The following DHRS4 variants were observed in gnomAD, a reference collection of about 807,000 sequenced individuals.
DHRS4 encodes dehydrogenase/reductase SDR family member 4.
Under a neutral mutation model 28.4 loss-of-function variants are expected in DHRS4, and 20 were observed. The ratio of observed to expected loss-of-function variants is 0.71; its 90% CI spans 0.50 to 1.02. DHRS4 has a LOEUF of 1.02. Among genes scored for constraint, DHRS4 ranks in the 50% least tolerant of loss-of-function variants. DHRS4 has a pLI of 0.00. For missense variants in DHRS4, 378 were observed against 367.2 expected (o/e 1.03, Z -0.24); for synonymous variants, 144 against 146.4 (o/e 0.98, Z 0.12).
At chr14:23,954,007 G>C (rs2032966782) in intron 1 of DHRS4, 91 bp downstream of exon 1, 3 of 1,509,752 alleles carry the variant, frequency 2.0e-6, no homozygotes, top group Non-Finnish European at 2.7e-6. Context: ...CCTGTCCTCA[G>C]ACCTTACACG....
rs1204050487 is a variant in DHRS4, at chr14:23,956,598, CCTT to C, written c.306+1387_306+1389del. 2.4e-5 allele frequency among the ~76,000 whole-genome samples: 3 copies of C among 127,036 alleles called. 1 individual carries two copies. The highest frequency in any genetic ancestry group is 1.4e-4 in the African/African-American group (3 of 22,212). The allele number at this position is 127,036 out of a possible 152,430, so 83.3% of individuals were successfully genotyped here. ...AGATAGAGGCCATGGGCCTCCATAT[CCTT>C]TTTTTTTTTTTTTTTTTTTTGAGAC... On this transcript the variant is annotated intron_variant, in intron 2 of 7. Coordinates refer to ENST00000313250, the MANE Select transcript of DHRS4 (RefSeq NM_021004.4).
At chr14:23,957,105 G>A (rs2033207737) in intron 2 of DHRS4, among the ~76,000 whole-genome samples, 1 of 152,140 alleles carries the variant, frequency 6.6e-6, no homozygotes, top group Non-Finnish European at 1.5e-5. Flanking sequence ...GGAAGCTGTT[G>A]CTGTCCTCCA....
At chr14:23,958,614 G>A (rs1201950575) in intron 2 of DHRS4, among the ~76,000 whole-genome samples, 1 of 152,226 alleles carries the variant, frequency 6.6e-6, no homozygotes, top group Non-Finnish European at 1.5e-5. Context: ...GGTCAAAAGA[G>A]AGAGACAGAG....
intron 1 of DHRS4, among the ~76,000 whole-genome samples, chr14:23,954,784 T>C (rs1179463600): frequency 1.3e-5 from 2 of 152,194 alleles, no homozygotes; most frequent in Admixed American, 6.5e-5. Flanking sequence ...CTGTCACCCA[T>C]GGTGGGAACT....
chr14:23,961,571 G>T (rs1003899501), intron 3 of DHRS4, among the ~76,000 whole-genome samples: 5 of 125,256 alleles, frequency 4.0e-5, no homozygotes, highest in Middle Eastern at 3.6e-3. Context: ...GAGGCTAGAG[G>T]GCTGTGGTGT....
chr14:23,955,561 C>T (rs1383028764), intron 2 of DHRS4, among the ~76,000 whole-genome samples: 1 of 152,060 alleles, frequency 6.6e-6, no homozygotes, highest in Non-Finnish European at 1.5e-5. Context: ...GAGTCAAGTC[C>T]CTGGGAACCT....
At position 23,965,815 on chromosome 14, in the gene DHRS4, A is replaced by G; in HGVS notation, c.462A>G (p.Pro154=). The change falls in exon 4 of 8, where the codon CCA becomes CCG. Residue 154 remains proline, a synonymous_variant. Transcript: ENST00000313250. ...APALMTKAVV[P]EMEKRGGGSV... is the part of the protein sequence containing the mutation. ...CCCTGATGACAAAGGCAGTGGTGCC[A>G]GAAATGGAGAAACGAGGGTACAGAG... 6.2e-7 allele frequency: 1 copy of G among 1,606,946 alleles called. No homozygotes were observed. The highest frequency in any genetic ancestry group is 1.7e-4 in the Middle Eastern group (1 of 6,018).
At chr14:23,967,063 G>A (rs2033652739) in intron 6 of DHRS4, 148 bp from the exon 7 acceptor site, 15 of 819,630 alleles carry the variant, frequency 1.8e-5, no homozygotes, top group Non-Finnish European at 2.8e-5. Flanking sequence ...GCTGAGGCAG[G>A]AGAATGGCAT....
At chr14:23,954,122 T>C (rs2032976865) in intron 1 of DHRS4, 2 of 733,848 alleles carry the variant, frequency 2.7e-6, no homozygotes, top group African/African-American at 3.6e-5. Context: ...CTGTCCCTGC[T>C]ACCTCTGGCA....
chr14:23,954,957 G>T (rs1341604004), intron 1 of DHRS4, 78 bp from the exon 2 acceptor site: 3 of 1,587,902 alleles, frequency 1.9e-6, no homozygotes, highest in Middle Eastern at 1.7e-4. Context: ...AACCCGGGCA[G>T]TCTTAACTTC....
Position 23,955,019 on chromosome 14 carries a change from C to G in DHRS4, c.129-16C>G, listed in dbSNP as rs761008821. 14 of 1,614,106 alleles carry G rather than the reference C, an allele frequency of 8.7e-6. No individual in the cohort carries two copies. The highest frequency in any genetic ancestry group is 1.2e-5 in the Non-Finnish European group (14 of 1,179,970). On this transcript the variant is annotated splice_polypyrimidine_tract_variant and intron_variant, in intron 1 of 7. Coordinates refer to ENST00000313250, the MANE Select transcript of DHRS4 (RefSeq NM_021004.4). ...CTGCACAGGCCTTAGCAGTCTTTGT[C>G]TCTTTCTGCTCACAGGATCGGCTTC...
In DHRS4 at chr14:23,959,412, C is replaced by T. The variant is rs1306711393; in HGVS notation, c.307-490C>T. Among the ~76,000 whole-genome samples, 6 of 152,140 alleles carry T rather than the reference C, an allele frequency of 3.9e-5. No homozygotes were observed. In the East Asian group the frequency reaches 9.7e-4, roughly 24 times the overall value. On this transcript the variant is annotated intron_variant, in intron 2 of 7. Coordinates refer to ENST00000313250, the MANE Select transcript of DHRS4 (RefSeq NM_021004.4). ...GTCTCTATAAAAAATACAAAAATTG[C>T]CCGGGTGTGGTGGCACGCACTTGTA...
chr14:23,966,509 T>G (rs949345704), intron 6 of DHRS4, 92 bp downstream of exon 6: 251 of 1,569,044 alleles, frequency 1.6e-4, no homozygotes, highest in Middle Eastern at 1.0e-3. Context: ...TCCTGAGCTC[T>G]CAGCCACTCC....
At chr14:23,962,381 A>G (rs938735824) in intron 3 of DHRS4, among the ~76,000 whole-genome samples, 10 of 142,262 alleles carry the variant, frequency 7.0e-5, no homozygotes, top group African/African-American at 2.1e-4. Flanking sequence ...AGTCAATCCT[A>G]TCAAACTCTA....
intron 1 of DHRS4, chr14:23,954,189 G>GC (rs2138421467): frequency 2.6e-6 from 1 of 381,374 alleles, no homozygotes; most frequent in Non-Finnish European, 4.7e-6. Context: ...GTTCTGGGCT[G>GC]CCCCAGTCAA....
chr14:23,964,386 AACAC>A (rs1235962482), intron 3 of DHRS4, among the ~76,000 whole-genome samples: 2 of 148,346 alleles, frequency 1.3e-5, no homozygotes, highest in African/African-American at 5.0e-5. Context: ...GACTTTAAAA[AACAC>A]ACACACACAT....
intron 2 of DHRS4, 23 bp downstream of exon 2, chr14:23,955,235 C>G (rs1297161314): frequency 1.2e-6 from 2 of 1,605,638 alleles, no homozygotes; most frequent in African/African-American, 2.7e-5. Flanking sequence ...GAAATGGGCA[C>G]AGAGCCAGGA....
chr14:23,967,211 C>T lies in DHRS4; in HGVS notation c.667C>T (p.Leu223Phe). ...AAAGAGATTTCCCTTCTTCCTGCAG[C>T]TCTGGATGGACAAGGAAAAAGAGGA... ...GLIKTSFSRM[L>F]WMDKEKEESM... The change falls in exon 7 of 8, where the codon CTC becomes TTC. Residue 223 changes from leucine (L) to phenylalanine (F), a missense_variant and splice_region_variant. Transcript: ENST00000313250. 2 of 1,612,234 alleles carry T rather than the reference C, an allele frequency of 1.2e-6. No homozygotes were observed. Among genetic ancestry groups the T allele is most frequent in the Non-Finnish European group, 1.7e-6 (2 of 1,179,402 alleles).
rs1374898260 is a variant in DHRS4 at position 23,955,160 on chromosome 14, G to C, written c.254G>C (p.Gly85Ala). The C allele has an allele frequency of 6.2e-7, 1 of 1,613,746 alleles. No homozygotes were observed. Among genetic ancestry groups the C allele is most frequent in the African/African-American group, 1.3e-5 (1 of 74,928 alleles). The change falls in exon 2 of 8, where the codon GGC becomes GCC. Residue 85 changes from glycine (G) to alanine (A), a missense_variant. Coordinates refer to ENST00000313250, the MANE Select transcript of DHRS4 (RefSeq NM_021004.4). ...CAGGGGGAGGGGCTGAGCGTGACGGGCACCGTGTGCCATGTGGGGAAGGCG... is the reference window on the plus strand; with the variant it reads ...CAGGGGGAGGGGCTGAGCGTGACGGCCACCGTGTGCCATGTGGGGAAGGCG... Reference protein sequence around the residue: ...TLQGEGLSVTGTVCHVGKAED... With the variant: ...TLQGEGLSVTATVCHVGKAED...
Sources: gnomAD v4.1 joint callset for allele counts (sites outside exome capture counted in the v4.1 genomes callset) on GRCh38, gnomAD v4.1.1 for gene constraint, MANE v1.5 for transcripts, NCBI Gene and HGNC (gene_info 2026-07-23, HGNC 2026-07-21) for gene names.